MYO15B: variants seen among roughly 807,000 people sequenced by gnomAD.
MYO15B encodes the protein myosin XVB.
MYO15B carries 207 observed loss-of-function variants against 119.3 expected under a neutral mutation model. The observed-to-expected ratio is 1.73, with a 90% CI of 1.55 to 1.95. The LOEUF is 1.95. MYO15B is among the 30% of genes most tolerant of loss of function. The pLI is 0.00. For synonymous variants in MYO15B, 966 were observed against 498.9 expected (o/e 1.94, Z -12.48); for missense variants, 2,264 against 1,203.1 (o/e 1.88, Z -13.04).
Position 75,591,024 on chromosome 17 carries a change from ACT to A in MYO15B, c.2360+11_2360+12del, listed in dbSNP as rs201548696. On this transcript the variant is annotated intron_variant, in intron 3 of 63. Transcript: ENST00000645453. ...GGCCCTCAGCACCACTCCGTATGTG[ACT>A]CTGCCCCACTGACCCTCTGCTCACC... 3.3e-3 allele frequency: 2,085 copies of A among 638,102 alleles called. 33 individuals carry two copies. In the African/African-American group the frequency reaches 0.033, roughly 10 times the overall value. 39.5% of individuals were successfully genotyped at this position (638,102 alleles called of 1,614,324 possible).
intron 29 of MYO15B, 62 bp downstream of exon 29, chr17:75,613,839 C>T: frequency 1.6e-6 from 1 of 643,912 alleles, no homozygotes. Flanking sequence ...TACCCTCCTC[C>T]TTCTCCAAGC....
At chr17:75,607,110 G>A (rs1367061967) in intron 21 of MYO15B, 1 of 395,000 alleles carries the variant, frequency 2.5e-6, no homozygotes, top group Admixed American at 4.4e-5. Flanking sequence ...CTCGAGGGCT[G>A]AGAATGAAGT....
intron 1 of MYO15B, 94 bp downstream of exon 1, chr17:75,590,337 T>C (rs1472681968): frequency 2.5e-6 from 1 of 398,624 alleles, no homozygotes; most frequent in Non-Finnish European, 4.4e-6. Context: ...TAGACCCTTA[T>C]TGAATCCTTA....
exon 1 of MYO15B, chr17:75,588,239 G>A (rs2056187688): frequency 5.0e-6 from 2 of 398,076 alleles, no homozygotes; most frequent in Admixed American, 4.4e-5. Context: ...GGGGGCCAGG[G>A]AACCCCTGGT....
intron 45 of MYO15B, 26 bp downstream of exon 45, chr17:75,619,502 G>T: frequency 1.4e-6 from 1 of 698,722 alleles, no homozygotes; most frequent in East Asian, 2.7e-5. Flanking sequence ...GTAGGGAGTA[G>T]GGATGCCAGG....
chr17:75,592,800 C>A lies in MYO15B; in HGVS notation c.2951C>A (p.Ala984Asp), dbSNP rs1452343095. The change falls in exon 9 of 64, where the codon GCC (alanine) becomes GAC (aspartate). Residue 984 changes from alanine to aspartate, a missense_variant. Physicochemically the swap from Ala to Asp is moderately radical, Grantham distance 126 (BLOSUM62 -2). Transcript: ENST00000645453. ...AATGCCGTCTGGGCTGTGCTGGCCG[C>A]CATCCTGCAGCTGGGCAACATCTGC... 7.1e-6 allele frequency: 5 copies of A among 702,700 alleles called. No individual in the cohort carries two copies. In the South Asian group the frequency reaches 7.4e-5, roughly 10 times the overall value. 43.5% of individuals were successfully genotyped at this position (702,700 alleles called of 1,614,324 possible).
exon 64 of MYO15B, chr17:75,626,730 G>C (rs2059089279): frequency 1.7e-6 from 1 of 572,146 alleles, no homozygotes; most frequent in East Asian, 2.9e-5. Context: ...TGGGGCACCT[G>C]AGGTTGCCCA....
chr17:75,620,324 A>G (rs2058634197), exon 48 of MYO15B: 5 of 702,908 alleles, frequency 7.1e-6, no homozygotes, highest in African/African-American at 1.7e-5. Flanking sequence ...TGGGGACCTC[A>G]TCAAGCTGCT....
chr17:75,591,996 T>A lies in MYO15B; in HGVS notation c.2567T>A (p.Ile856Lys). 7.1e-6 allele frequency: 5 copies of A among 702,702 alleles called. No homozygotes were observed. In the Middle Eastern group the frequency reaches 1.2e-3, roughly 163 times the overall value. 43.5% of individuals were successfully genotyped at this position (702,702 alleles called of 1,614,324 possible). Residue 856 changes from isoleucine (I) to lysine (K), a missense_variant, in exon 6 of 64, where the codon ATA becomes AAA. Physicochemically the swap from Ile to Lys is moderately radical, Grantham distance 102. Transcript: ENST00000645453. ...GTACAGGTGGAGGATATGCTGCCTA[T>A]ACTCAGCAGCTTTGGCCATGCCAAG...
At chr17:75,588,118 G>A (rs2056180389) in exon 1 of MYO15B, 1 of 398,292 alleles carries the variant, frequency 2.5e-6, no homozygotes, top group African/African-American at 2.1e-5. Flanking sequence ...GCCGGCCTCA[G>A]GGGAGCAGGA....
intron 9 of MYO15B, among the ~76,000 whole-genome samples, chr17:75,593,924 G>GAA (rs3072564): frequency 0.1 from 13,363 of 128,776 alleles, 917 homozygotes; most frequent in African/African-American, 0.17. Context: ...AGTCTCAGAA[G>GAA]AAAAAAAAAA....
chr17:75,616,016 G>A (rs923162418), intron 36 of MYO15B, 53 bp from the exon 37 acceptor site: 1 of 586,850 alleles, frequency 1.7e-6, no homozygotes, highest in East Asian at 2.9e-5. Flanking sequence ...GAGGGGTGTG[G>A]CGAGTGTGGC....
intron 58 of MYO15B, 65 bp from the exon 59 acceptor site, chr17:75,624,706 C>T (rs1206143709): frequency 1.4e-6 from 1 of 702,630 alleles, no homozygotes; most frequent in Non-Finnish European, 2.6e-6. Flanking sequence ...GGTTTGGTTT[C>T]TGCTGGGGTG....
At chr17:75,613,531 T>TGCCCTCCCTGGAACCCCTTC in intron 28 of MYO15B, 60 bp downstream of exon 28, 1 of 654,176 alleles carries the variant, frequency 1.5e-6, no homozygotes, top group South Asian at 1.6e-5. Context: ...CCTACCCCTT[T>TGCCCTCCCTGGAACCCCTTC]GCCCTCCCTG....
chr17:75,602,294 T>G (rs2057332419), intron 15 of MYO15B: 1 of 670,112 alleles, frequency 1.5e-6, no homozygotes. Flanking sequence ...AAAGCCCCAG[T>G]GGGGAGAGTG....
chr17:75,616,745 A>G (rs1467618577), exon 39 of MYO15B: 3 of 703,000 alleles, frequency 4.3e-6, no homozygotes, highest in Non-Finnish European at 7.8e-6. Flanking sequence ...CATGTACCAG[A>G]GCCGCCCGGG....
chr17:75,614,978 G>A lies in MYO15B; in HGVS notation c.5577G>A (p.Trp1859Ter), dbSNP rs1250559077. The A allele has an allele frequency of 5.7e-6, 4 of 703,088 alleles. No homozygotes were observed. Among genetic ancestry groups the A allele is most frequent in the African/African-American group, 1.7e-5 (1 of 57,402 alleles). The allele number at this position is 703,088 out of a possible 1,614,324, so 43.6% of individuals were successfully genotyped here. Residue 1859 changes from tryptophan (W) to a stop codon, truncating the protein, a stop_gained, in exon 33 of 64, where the codon TGG becomes TGA. Coordinates refer to ENST00000645453, the Ensembl canonical transcript of MYO15B. LOFTEE classifies it high-confidence loss of function. ...CCCTTTAGGATCTGGAACAAAGCTG[G>A]GCTCTGAGCAGCCGCATGAAGGGAG...
intron 25 of MYO15B, among the ~76,000 whole-genome samples, chr17:75,612,345 G>A (rs1282210524): frequency 6.6e-6 from 1 of 152,166 alleles, no homozygotes; most frequent in Non-Finnish European, 1.5e-5. Flanking sequence ...AAATTGTCCA[G>A]ACTTCAGCAG....
chr17:75,612,460 G>A (rs1049576492), intron 25 of MYO15B, among the ~76,000 whole-genome samples: 5 of 152,108 alleles, frequency 3.3e-5, no homozygotes, highest in Admixed American at 3.3e-4. Context: ...ATCACCTGAG[G>A]TCAGGAGTTT....
Sources: allele counts gnomAD v4.1 joint callset (sites outside exome capture counted in the v4.1 genomes callset), GRCh38; gene constraint gnomAD v4.1.1; transcripts MANE v1.5; gene names NCBI Gene and HGNC (gene_info 2026-07-23, HGNC 2026-07-21).